MEGF11: variants seen among roughly 807,000 people sequenced by gnomAD.
MEGF11 encodes the protein multiple EGF like domains 11.
In MEGF11, 126 loss-of-function variants were observed where a neutral mutation model predicts 146.6. That is an observed-to-expected ratio of 0.86 (90% CI 0.74 to 1.00). MEGF11 has a LOEUF of 1.00. Ranked by LOEUF, MEGF11 falls within the 50% of genes least tolerant of loss-of-function variation. MEGF11 has a pLI of 0.00. For missense variants in MEGF11, 1,509 were observed against 1,521.2 expected (o/e 0.99, Z 0.13); for synonymous variants, 532 against 583.4 (o/e 0.91, Z 1.27).
At chr15:66,096,064 G>A (rs1394739212) in intron 4 of MEGF11, among the ~76,000 whole-genome samples, 7 of 152,180 alleles carry the variant, frequency 4.6e-5, no homozygotes, top group Non-Finnish European at 1.0e-4. Context: ...GGACACACCA[G>A]TGTCCATCCT....
intron 1 of MEGF11, among the ~76,000 whole-genome samples, chr15:66,251,904 C>G (rs2092375706): frequency 6.6e-6 from 1 of 152,206 alleles, no homozygotes; most frequent in Non-Finnish European, 1.5e-5. Context: ...TGGTGTGCAC[C>G]AGGAAAATCC....
chr15:66,225,560 C>T (rs543654363), intron 1 of MEGF11, among the ~76,000 whole-genome samples: 30 of 152,310 alleles, frequency 2.0e-4, no homozygotes, highest in Admixed American at 3.9e-4. Context: ...GGGCTTAACC[C>T]ATCTGGTCAC....
intron 4 of MEGF11, among the ~76,000 whole-genome samples, chr15:66,116,672 G>A (rs117801437): frequency 6.6e-6 from 1 of 152,220 alleles, no homozygotes; most frequent in East Asian, 1.9e-4. Flanking sequence ...TTTGTGTGTT[G>A]GTATGTTTAT....
At chr15:66,001,188 C>G in intron 5 of MEGF11, among the ~76,000 whole-genome samples, 1 of 152,142 alleles carries the variant, frequency 6.6e-6, no homozygotes, top group Non-Finnish European at 1.5e-5. Flanking sequence ...CTCCCTGCTG[C>G]TCTCAGATGC....
At chr15:66,013,300 C>T (rs964684029) in intron 5 of MEGF11, among the ~76,000 whole-genome samples, 11 of 152,220 alleles carry the variant, frequency 7.2e-5, no homozygotes, top group Non-Finnish European at 1.3e-4. Context: ...CTCACCCTCC[C>T]ACTCAGGCTC....
chr15:65,982,313 C>T lies in MEGF11; in HGVS notation c.570G>A (p.Gln190=), dbSNP rs1483447028. ...GGTCGCAGCTGGCACCGTGTCGGCA[C>T]TGGCACGGCAGCTGGCATCCCTTGC... ...THGKGCQLPC[Q]CRHGASCDPR... The change falls in exon 6 of 26, where the codon CAG becomes CAA. Residue 190 remains glutamine, a synonymous_variant. Transcript: ENST00000395614. The surrounding 1 kb of genome is among the most constrained non-coding windows in gnomAD (Gnocchi z 5.6). 6.5e-7 allele frequency: 1 copy of T among 1,537,108 alleles called. No homozygotes were observed. Among genetic ancestry groups the T allele is most frequent in the Non-Finnish European group, 8.7e-7 (1 of 1,144,308 alleles).
intron 7 of MEGF11, among the ~76,000 whole-genome samples, chr15:65,977,249 T>A (rs1242243244): frequency 6.6e-6 from 1 of 150,974 alleles, no homozygotes; most frequent in Admixed American, 6.6e-5. Context: ...CCATGCCAGC[T>A]CTCCTGGAGG....
At chr15:66,111,567 C>T (rs562114751) in intron 4 of MEGF11, among the ~76,000 whole-genome samples, 7 of 152,240 alleles carry the variant, frequency 4.6e-5, no homozygotes, top group African/African-American at 1.4e-4. Flanking sequence ...CACCACCCCC[C>T]ACCCCCAGCG....
At chr15:66,051,474 T>C (rs1946348726) in intron 5 of MEGF11, among the ~76,000 whole-genome samples, 1 of 152,180 alleles carries the variant, frequency 6.6e-6, no homozygotes, top group Non-Finnish European at 1.5e-5. Flanking sequence ...GAAGTCTGTC[T>C]CAACTCCATC....
chr15:65,920,111 A>G (rs1012932462), intron 15 of MEGF11, among the ~76,000 whole-genome samples: 1 of 152,236 alleles, frequency 6.6e-6, no homozygotes, highest in African/African-American at 2.4e-5. Flanking sequence ...AAGGTCACAC[A>G]ACTAGGAAGT....
At chr15:65,932,785 C>G (rs2141319437) in intron 10 of MEGF11, among the ~76,000 whole-genome samples, 1 of 152,104 alleles carries the variant, frequency 6.6e-6, no homozygotes, top group East Asian at 1.9e-4. Flanking sequence ...ATGTTGAATT[C>G]CCACCTCCAG....
intron 4 of MEGF11, among the ~76,000 whole-genome samples, chr15:66,104,222 T>G (rs1166547597): frequency 6.6e-6 from 1 of 152,220 alleles, no homozygotes; most frequent in Admixed American, 6.5e-5. Flanking sequence ...TTCGTTATCT[T>G]GTCTGGAGTT....
intron 5 of MEGF11, among the ~76,000 whole-genome samples, chr15:66,025,237 C>T (rs2083287813): frequency 6.6e-6 from 1 of 152,228 alleles, no homozygotes; most frequent in South Asian, 2.1e-4. Context: ...CCGCATTCTC[C>T]TCTCCTTGCC....
chr15:66,242,535 G>A (rs1191543844), intron 1 of MEGF11, among the ~76,000 whole-genome samples: 1 of 151,656 alleles, frequency 6.6e-6, no homozygotes, highest in Non-Finnish European at 1.5e-5. Context: ...AGAAGTGGTT[G>A]GTTATCTCAG....
intron 5 of MEGF11, among the ~76,000 whole-genome samples, chr15:66,008,407 GCGCGCACACACACACACACACACACACA>G (rs2082590032): frequency 1.2e-5 from 1 of 82,310 alleles, no homozygotes; most frequent in East Asian, 2.2e-4. Context: ...GCACACGCGC[GCGCGCACACACACACACACACACACACA>G]CACACACACA....
chr15:66,051,104 C>T (rs773839995), intron 5 of MEGF11, among the ~76,000 whole-genome samples: 36 of 152,240 alleles, frequency 2.4e-4, no homozygotes, highest in Non-Finnish European at 4.4e-4. Flanking sequence ...CTTGACCATA[C>T]AAAGTGCTTT....
chr15:66,245,193 TG>T (rs2092277501), intron 1 of MEGF11, among the ~76,000 whole-genome samples: 1 of 152,130 alleles, frequency 6.6e-6, no homozygotes, highest in African/African-American at 2.4e-5. Flanking sequence ...GCCATAATGG[TG>T]AGTCCTAGCA....
intron 5 of MEGF11, among the ~76,000 whole-genome samples, chr15:65,997,667 G>T (rs1220608456): frequency 6.6e-6 from 1 of 152,196 alleles, no homozygotes; most frequent in Non-Finnish European, 1.5e-5. Flanking sequence ...GAGGGCAGGG[G>T]CTCTGTTTTA....
intron 10 of MEGF11, among the ~76,000 whole-genome samples, chr15:65,935,279 C>A (rs62014447): frequency 0.03 from 3,927 of 132,962 alleles, 86 homozygotes; most frequent in Non-Finnish European, 0.039. Context: ...GAGGTCACAC[C>A]ACTGCACTCC....
Sources: allele counts gnomAD v4.1 joint callset (sites outside exome capture counted in the v4.1 genomes callset), GRCh38; gene constraint gnomAD v4.1.1; non-coding constraint Gnocchi (gnomAD v3.1); transcripts MANE v1.5; gene names NCBI Gene and HGNC (gene_info 2026-07-23, HGNC 2026-07-21).